MED16: variants seen among roughly 807,000 people sequenced by gnomAD.
MED16 encodes mediator of RNA polymerase II transcription subunit 16.
Under a neutral mutation model 84.4 loss-of-function variants are expected in MED16, and 81 were observed. That is an observed-to-expected ratio of 0.96 (90% CI 0.80 to 1.15). The LOEUF is 1.15. MED16 is among the 50% of genes most tolerant of loss of function. The probability of loss-of-function intolerance (pLI) is 0.00; values close to 1 mark genes in which losing one functional copy is unlikely to be tolerated. For synonymous variants in MED16, 897 were observed against 552.2 expected (o/e 1.62, Z -8.76); for missense variants, 1,585 against 1,245.9 (o/e 1.27, Z -4.10).
At chr19:872,409 G>A (rs560725353) in intron 11 of MED16, among the ~76,000 whole-genome samples, 1 of 152,060 alleles carries the variant, frequency 6.6e-6, no homozygotes, top group Admixed American at 6.5e-5. Context: ...TGCACGTGGA[G>A]GAGCAGCCGC....
intron 6 of MED16, 46 bp from the exon 7 acceptor site, chr19:881,760 C>T (rs1308952631): frequency 3.2e-6 from 5 of 1,583,838 alleles, no homozygotes; most frequent in Non-Finnish European, 4.3e-6. Flanking sequence ...GGAGTAAAGA[C>T]AGGCTGAGAC....
At chr19:885,711 T>C (rs2145244276) in intron 5 of MED16, 59 bp downstream of exon 5, 9 of 1,569,482 alleles carry the variant, frequency 5.7e-6, no homozygotes, top group Non-Finnish European at 7.8e-6. Context: ...CCCAGGACCC[T>C]GAGAAGCAGT....
chr19:878,299 A>ACCAGCC (rs1568326186), intron 8 of MED16, among the ~76,000 whole-genome samples: 25 of 42,168 alleles, frequency 5.9e-4, no homozygotes, highest in African/African-American at 1.6e-3. Context: ...GTCAATGCCC[A>ACCAGCC]CCAGCCCCAG....
At chr19:871,416 C>T (rs953285846) in intron 12 of MED16, among the ~76,000 whole-genome samples, 163 bp from the exon 13 acceptor site, 1 of 152,022 alleles carries the variant, frequency 6.6e-6, no homozygotes, top group Non-Finnish European at 1.5e-5. Flanking sequence ...GTCGGGGCCC[C>T]GGCTCTGCCT....
At chr19:871,384 G>C in intron 12 of MED16, 131 bp from the exon 13 acceptor site, 1 of 1,307,512 alleles carries the variant, frequency 7.6e-7, no homozygotes, top group Non-Finnish European at 1.0e-6. Context: ...CTGGCTGGGT[G>C]ACCCCGGGGT....
intron 8 of MED16, among the ~76,000 whole-genome samples, chr19:878,467 C>G (rs868114128): frequency 8.6e-5 from 13 of 150,370 alleles, no homozygotes; most frequent in South Asian, 2.1e-4. Flanking sequence ...CGTGCCCCAG[C>G]AGCTCACCTT....
Position 877,086 on chromosome 19 carries a change from A to G in MED16, c.1448T>C (p.Val483Ala), listed in dbSNP as rs911407161. ...HLLFLLEYCM[V>A]TGYDWWDILL... is the part of the protein sequence containing the mutation. Reference sequence around the variant, plus strand: ...GATGTCCCACCAGTCGTAGCCGGTCACCATGCAGTACTCCAGCAGGAAGAG... The same window carrying G: ...GATGTCCCACCAGTCGTAGCCGGTCGCCATGCAGTACTCCAGCAGGAAGAG... The change falls in exon 9 of 16, where the codon GTG becomes GCG. Residue 483 changes from valine to alanine, a missense_variant. Coordinates refer to ENST00000325464, the MANE Select transcript of MED16 (RefSeq NM_005481.3). The G allele has an allele frequency of 3.7e-6, 6 of 1,612,670 alleles. No individual in the cohort carries two copies. Among genetic ancestry groups the G allele is most frequent in the Non-Finnish European group, 5.1e-6 (6 of 1,179,896 alleles).
intron 11 of MED16, 36 bp downstream of exon 11, chr19:873,413 G>GT: frequency 6.3e-7 from 1 of 1,589,212 alleles, no homozygotes; most frequent in African/African-American, 1.4e-5. Flanking sequence ...GGGGGCCCAG[G>GT]TGGGGGGCGG....
intron 6 of MED16, among the ~76,000 whole-genome samples, chr19:882,300 G>A (rs112016758): frequency 4.8e-4 from 73 of 152,334 alleles, no homozygotes; most frequent in African/African-American, 1.7e-3. Context: ...TTGAGTCCAG[G>A]AGTTCAAGAC....
rs184840255 is a variant in MED16, at chr19:871,301, G to A, written c.2099-48C>T. ...TCTCAGCACCCCTGACTGGGGCACC[G>A]CCCGGCCACCCGGGACGTGCTGGGA... On this transcript the variant is annotated intron_variant, in intron 12 of 15. Transcript: ENST00000325464. The A allele has an allele frequency of 3.6e-4, 544 of 1,494,002 alleles. 5 individuals carry two copies. The East Asian group carries it at 8.0e-3, about 22-fold the overall frequency. 92.5% of individuals were successfully genotyped at this position (1,494,002 alleles called of 1,614,324 possible).
intron 10 of MED16, among the ~76,000 whole-genome samples, chr19:874,470 G>C (rs558738987): frequency 1.3e-5 from 2 of 151,984 alleles, no homozygotes; most frequent in Non-Finnish European, 2.9e-5. Flanking sequence ...TAATCCCAGC[G>C]CTTTGGGAGG....
In MED16 at chr19:871,256, G is replaced by T. The variant is rs1333843379; in HGVS notation, c.2099-3C>A. The T allele has an allele frequency of 2.6e-6, 4 of 1,531,370 alleles. No homozygotes were observed. Among genetic ancestry groups the T allele is most frequent in the East Asian group, 2.5e-5 (1 of 40,576 alleles). The allele number at this position is 1,531,370 out of a possible 1,614,324, so 94.9% of individuals were successfully genotyped here. On this transcript the variant is annotated splice_region_variant and splice_polypyrimidine_tract_variant and intron_variant, in intron 12 of 15. Coordinates refer to ENST00000325464, the MANE Select transcript of MED16 (RefSeq NM_005481.3). Reference sequence around the variant, plus strand: ...GCTCGCTGGGCCCTCATCGCGACCTGCGGAGAGAGGTGGCGGAAGTCTCAG... The same window carrying T: ...GCTCGCTGGGCCCTCATCGCGACCTTCGGAGAGAGGTGGCGGAAGTCTCAG...
chr19:873,995 A>C (rs1048503665), intron 10 of MED16, among the ~76,000 whole-genome samples: 1 of 152,054 alleles, frequency 6.6e-6, no homozygotes, highest in Non-Finnish European at 1.5e-5. Context: ...CACCCAACAG[A>C]TGCCTCTCGG....
chr19:891,222 G>A (rs1415800788), intron 1 of MED16, 73 bp from the exon 2 acceptor site: 5 of 1,443,550 alleles, frequency 3.5e-6, no homozygotes, highest in Admixed American at 2.1e-5. Flanking sequence ...CAGGCCAGAA[G>A]TGGGAAAACA....
chr19:884,801 T>C (rs2036492140), intron 6 of MED16, 102 bp downstream of exon 6: 2 of 915,754 alleles, frequency 2.2e-6, no homozygotes. Context: ...AGGGCCGGGG[T>C]TCAGGACCAC....
In MED16 at chr19:885,828, T is replaced by G. The variant is rs2036513972; in HGVS notation, c.821A>C (p.Lys274Thr). 9 of 1,613,562 alleles carry G rather than the reference T, an allele frequency of 5.6e-6. No individual in the cohort carries two copies. The highest frequency in any genetic ancestry group is 7.6e-6 in the Non-Finnish European group (9 of 1,179,958). Residue 274 changes from lysine (K) to threonine (T), a missense_variant, in exon 5 of 16, where the codon AAG (lysine) becomes ACG (threonine). Lys to Thr is a moderately conservative substitution (Grantham distance 78). Transcript: ENST00000325464. Reference sequence around the variant, plus strand: ...GTGGGTGATGGCGGGAAACTTGTCCTTGCGGTTGAGGTCGGTGGTGCAGCG... The same window carrying G: ...GTGGGTGATGGCGGGAAACTTGTCCGTGCGGTTGAGGTCGGTGGTGCAGCG... ...FMRCTTDLNR[K>T]DKFPAITHLK... is the part of the protein sequence containing the mutation.
In MED16 at chr19:890,987, T is replaced by A. The variant is rs200993578; in HGVS notation, c.145A>T (p.Met49Leu). 1 of 1,613,822 alleles carries A rather than the reference T, an allele frequency of 6.2e-7. No homozygotes were observed. Among genetic ancestry groups the A allele is most frequent in the Admixed American group, 1.7e-5 (1 of 59,994 alleles). Residue 49 changes from methionine (M) to leucine (L), a missense_variant, in exon 2 of 16, where the codon ATG becomes TTG. Physicochemically the swap from Met to Leu is conservative, Grantham distance 15 (BLOSUM62 2). Coordinates refer to ENST00000325464, the MANE Select transcript of MED16 (RefSeq NM_005481.3). ...WSCRNLIAFTMDLRSDDQDLT... is the reference protein window; with the variant it reads ...WSCRNLIAFTLDLRSDDQDLT... ...CCCTGGTCATCGCTGCGCAGGTCCATGGTGAAGGCGATGAGATTTCGGCAG... is the reference window on the plus strand; with the variant it reads ...CCCTGGTCATCGCTGCGCAGGTCCAAGGTGAAGGCGATGAGATTTCGGCAG...
chr19:868,966 C>G lies in MED16; in HGVS notation c.2316-20G>C. ...GGGGCCCTGGCGGGAGAGGGGAGAA[C>G]GTGAGGGAGGCCTGGGCACCACGAG... On this transcript the variant is annotated intron_variant, in intron 13 of 15. Transcript: ENST00000325464. 6.6e-7 allele frequency: 1 copy of G among 1,526,570 alleles called. No individual in the cohort carries two copies. Among genetic ancestry groups the G allele is most frequent in the South Asian group, 1.2e-5 (1 of 83,080 alleles). The allele number at this position is 1,526,570 out of a possible 1,614,324, so 94.6% of individuals were successfully genotyped here. A position where few individuals can be genotyped will look rare whatever the true frequency, so the allele number is the denominator to read the frequency against.
Position 873,524 on chromosome 19 carries a change from T to G in MED16, c.1830A>C (p.Thr610=), listed in dbSNP as rs764889815. Residue 610 remains threonine, a synonymous_variant, in exon 11 of 16, where the codon ACA becomes ACC. Coordinates refer to ENST00000325464, the MANE Select transcript of MED16 (RefSeq NM_005481.3). ...KTEEFVLDMN[T]LQALQQLLQW... ...GCAAGAGCTGCTGCAGCGCCTGCAG[T>G]GTGTTCATGTCCAGCACAAATTCCT... 2 of 1,612,162 alleles carry G rather than the reference T, an allele frequency of 1.2e-6. No homozygotes were observed. Among genetic ancestry groups the G allele is most frequent in the Admixed American group, 3.3e-5 (2 of 59,964 alleles).
Sources: allele counts gnomAD v4.1 joint callset (sites outside exome capture counted in the v4.1 genomes callset), GRCh38; gene constraint gnomAD v4.1.1; transcripts MANE v1.5; gene names NCBI Gene and HGNC (gene_info 2026-07-23, HGNC 2026-07-21).